PREPL: variants seen among roughly 807,000 people sequenced by gnomAD.
The protein encoded by PREPL is prolyl endopeptidase like.
PREPL carries 77 observed loss-of-function variants against 70.6 expected under a neutral mutation model. The observed-to-expected ratio is 1.09, with a 90% CI of 0.91 to 1.32. PREPL has a LOEUF of 1.32. PREPL is among the 40% of genes most tolerant of loss of function. The probability of loss-of-function intolerance (pLI) is 0.00; values close to 1 mark genes in which losing one functional copy is unlikely to be tolerated. For missense variants in PREPL, 1,002 were observed against 778.2 expected, an observed-to-expected ratio of 1.29 and a Z score of -3.42; for synonymous variants, 315 against 264.8, an observed-to-expected ratio of 1.19 and a Z score of -1.84.
chr2:44,318,037 CCTAATA>C lies in PREPL; in HGVS notation c.*3313_*3318del, dbSNP rs1476442869. ...TATCTTTTGACCTAATAATTCCATTCCTAATACTTAGAAATATTTGCACATGTGCAC... is the reference window on the plus strand; with the variant it reads ...TATCTTTTGACCTAATAATTCCATTCCTTAGAAATATTTGCACATGTGCAC... On this transcript the variant is annotated 3_prime_UTR_variant, in exon 14 of 14. Coordinates refer to ENST00000409411, the MANE Select transcript of PREPL (RefSeq NM_001171613.2). 1 of 415,908 alleles carries C rather than the reference CCTAATA, an allele frequency of 2.4e-6. No homozygotes were observed. Among genetic ancestry groups the C allele is most frequent in the Non-Finnish European group, 4.8e-6 (1 of 210,126 alleles). 25.8% of individuals were successfully genotyped at this position (415,908 alleles called of 1,614,324 possible). A position where few individuals can be genotyped will look rare whatever the true frequency, so the allele number is the denominator to read the frequency against.
intron 7 of PREPL, among the ~76,000 whole-genome samples, chr2:44,333,967 C>G (rs79319385): frequency 1.3e-5 from 2 of 152,122 alleles, no homozygotes; most frequent in African/African-American, 4.8e-5. Context: ...ATGTGACCCA[C>G]GCAGTAAGCT....
At chr2:44,354,578 CTT>C (rs59897288) in intron 1 of PREPL, among the ~76,000 whole-genome samples, 6 of 146,908 alleles carry the variant, frequency 4.1e-5, no homozygotes, top group African/African-American at 7.4e-5. Flanking sequence ...TTCCTCCTCT[CTT>C]TTTTTTTTTT....
Position 44,321,408 on chromosome 2 carries a change from C to T in PREPL, c.1865G>A (p.Gly622Glu). 6.2e-7 allele frequency: 1 copy of T among 1,613,050 alleles called. No individual in the cohort carries two copies. The highest frequency in any genetic ancestry group is 1.1e-5 in the South Asian group (1 of 91,022). Residue 622 changes from glycine (G) to glutamate (E), a missense_variant, in exon 14 of 14, where the codon GGA becomes GAA. By Grantham distance (98) the Gly-to-Glu change is moderately conservative (BLOSUM62 -2). Transcript: ENST00000409411. ...AQIKFLYEEL[G>E]LDSTSVFEDL... Reference sequence around the variant, plus strand: ...CTCGAAAACACTGGTGCTGTCAAGTCCAAGTTCCTCGTACAGGAATTTAAT... The same window carrying T: ...CTCGAAAACACTGGTGCTGTCAAGTTCAAGTTCCTCGTACAGGAATTTAAT...
rs201950394 is a variant in PREPL at position 44,351,429 on chromosome 2, A to ATT, written c.-48-5040_-48-5039insAA. Among the ~76,000 whole-genome samples, 1,405 of 151,902 alleles carry ATT rather than the reference A, an allele frequency of 9.2e-3. 21 individuals are homozygous for ATT. The highest frequency in any genetic ancestry group is 0.032 in the African/African-American group (1,326 of 41,432). Reference sequence around the variant, plus strand: ...GATGAACTTGTATATCCAACTGACTACCCAACATTTTTACTTAGATGTCTA... The same window carrying ATT: ...GATGAACTTGTATATCCAACTGACTATTCCCAACATTTTTACTTAGATGTCTA... On this transcript the variant is annotated intron_variant, in intron 1 of 13. Coordinates refer to ENST00000409411, the MANE Select transcript of PREPL (RefSeq NM_001171613.2).
chr2:44,321,805 T>C (rs1672984487), intron 13 of PREPL, 22 bp downstream of exon 13: 3 of 1,613,760 alleles, frequency 1.9e-6, no homozygotes, highest in Non-Finnish European at 2.5e-6. Flanking sequence ...ATCTGTCCAC[T>C]GAGAGGGCCT....
At chr2:44,351,978 A>G (rs1676489589) in intron 1 of PREPL, among the ~76,000 whole-genome samples, 1 of 152,236 alleles carries the variant, frequency 6.6e-6, no homozygotes, top group African/African-American at 2.4e-5. Flanking sequence ...ATCTACTGCT[A>G]CACGCCAAGC....
intron 1 of PREPL, chr2:44,359,413 GCT>G: frequency 2.9e-6 from 3 of 1,035,408 alleles, no homozygotes; most frequent in Non-Finnish European, 4.3e-6. Flanking sequence ...AAAATTAGTA[GCT>G]CTGATATTCT....
At chr2:44,339,943 C>T (rs7578550) in intron 5 of PREPL, among the ~76,000 whole-genome samples, 2,429 of 152,044 alleles carry the variant, frequency 0.016, 63 homozygotes, top group African/African-American at 0.055. Flanking sequence ...ATCTTACTAA[C>T]GTAACACATT....
intron 1 of PREPL, among the ~76,000 whole-genome samples, chr2:44,352,107 T>C (rs1362076737): frequency 6.6e-6 from 1 of 152,190 alleles, no homozygotes; most frequent in East Asian, 1.9e-4. Context: ...ATTGCTCAAA[T>C]GTCATCTTCT....
intron 9 of PREPL, 33 bp downstream of exon 9, chr2:44,328,904 C>CACTT (rs746621361): frequency 1.3e-6 from 2 of 1,583,050 alleles, no homozygotes; most frequent in Non-Finnish European, 1.7e-6. Flanking sequence ...AATGGTCTAG[C>CACTT]ACTTACATGC....
In PREPL at chr2:44,320,620, T is replaced by G; in HGVS notation, c.*736A>C. On this transcript the variant is annotated 3_prime_UTR_variant, in exon 14 of 14. Coordinates refer to ENST00000409411, the MANE Select transcript of PREPL (RefSeq NM_001171613.2). ...GCATGCTATTCCAGTGTACTGAACA[T>G]ACTGTATACCTCGTGTTAGGCACCT... 6.2e-7 allele frequency: 1 copy of G among 1,613,854 alleles called. No homozygotes were observed. The highest frequency in any genetic ancestry group is 1.3e-5 in the African/African-American group (1 of 75,026).
intron 1 of PREPL, among the ~76,000 whole-genome samples, chr2:44,353,362 T>C (rs1213799492): frequency 6.6e-6 from 1 of 151,862 alleles, no homozygotes; most frequent in Non-Finnish European, 1.5e-5. Flanking sequence ...GTTGGGCAGA[T>C]CACCCTGAGG....
In PREPL at chr2:44,318,157, C is replaced by T. The variant is rs539352313; in HGVS notation, c.*3199G>A. 6 of 434,130 alleles carry T rather than the reference C, an allele frequency of 1.4e-5. No homozygotes were observed. The highest frequency in any genetic ancestry group is 1.0e-4 in the Admixed American group (4 of 39,128). 26.9% of individuals were successfully genotyped at this position (434,130 alleles called of 1,614,324 possible). ...CCATGCTCGAGTGCAGTGGCGTGAT[C>T]TCGGCACACTGCAGCCTCTGCTTCC... On this transcript the variant is annotated 3_prime_UTR_variant, in exon 14 of 14. Coordinates refer to ENST00000409411, the MANE Select transcript of PREPL (RefSeq NM_001171613.2).
intron 3 of PREPL, 152 bp downstream of exon 3, chr2:44,344,368 C>A: frequency 1.6e-6 from 1 of 644,402 alleles, no homozygotes; most frequent in South Asian, 2.5e-5. Context: ...ATATCTTACA[C>A]AAACCCAGAT....
At chr2:44,357,218 C>T (rs1677143685) in intron 1 of PREPL, among the ~76,000 whole-genome samples, 1 of 152,220 alleles carries the variant, frequency 6.6e-6, no homozygotes. Flanking sequence ...TGCTACTTTT[C>T]TGTTCCTTAG....
At chr2:44,342,597 C>CA (rs781472318) in intron 4 of PREPL, 45 bp from the exon 5 acceptor site, 217 of 1,185,886 alleles carry the variant, frequency 1.8e-4, no homozygotes, top group Non-Finnish European at 2.3e-4. Context: ...ACCTACACTC[C>CA]ATTAAAAAAA....
Position 44,318,095 on chromosome 2 carries a change from GTT to G in PREPL, c.*3259_*3260del, listed in dbSNP as rs11348872. ...ATAATACTTAAAGGATCTCAACACT[GTT>G]TTTTTTTTTTTTTGAGACAGTCTTG... On this transcript the variant is annotated 3_prime_UTR_variant, in exon 14 of 14. Transcript: ENST00000409411. The G allele has an allele frequency of 0.046, 17,896 of 390,812 alleles. 824 individuals are homozygous for G. Among genetic ancestry groups the G allele is most frequent in the African/African-American group, 0.22 (9,086 of 41,772 alleles). 24.2% of individuals were successfully genotyped at this position (390,812 alleles called of 1,614,324 possible). A position where few individuals can be genotyped will look rare whatever the true frequency, so the allele number is the denominator to read the frequency against.
intron 1 of PREPL, among the ~76,000 whole-genome samples, chr2:44,346,851 C>G (rs1055955430): frequency 6.6e-6 from 1 of 152,064 alleles, no homozygotes. Context: ...GACATTATCA[C>G]TACTAATAAA....
chr2:44,327,153 C>T (rs1349373578), intron 9 of PREPL, among the ~76,000 whole-genome samples: 1 of 152,146 alleles, frequency 6.6e-6, no homozygotes, highest in African/African-American at 2.4e-5. Flanking sequence ...AAAGGTTTGC[C>T]AACTCCTGAT....
Sources: gnomAD v4.1 joint callset for allele counts (sites outside exome capture counted in the v4.1 genomes callset) on GRCh38, gnomAD v4.1.1 for gene constraint, MANE v1.5 for transcripts, NCBI Gene and HGNC (gene_info 2026-07-23, HGNC 2026-07-21) for gene names.